The following PEX14 variants were observed in gnomAD, a reference collection of about 807,000 sequenced individuals.
The protein encoded by PEX14 is peroxisomal membrane protein PEX14.
A neutral mutation model predicts 49.5 loss-of-function variants in PEX14; 15 were observed. The observed-to-expected ratio is 0.30, with a 90% confidence interval of 0.20 to 0.47. The LOEUF (loss-of-function observed/expected upper bound fraction) is 0.47. Ranked by LOEUF, PEX14 falls within the 20% of genes least tolerant of loss-of-function variation. The pLI, the probability that PEX14 is intolerant of heterozygous loss-of-function variation, is 1.00. For missense variants in PEX14, 398 were observed against 494.8 expected (o/e 0.80, Z 1.86); for synonymous variants, 210 against 212.7 (o/e 0.99, Z 0.11).
rs1027636916 is a variant in PEX14, at chr1:10,539,145, G to A, written c.169+2848G>A. ...TGGGAGCAGGGGCTGCATCCTGTCC[G>A]TGTTACCGACTGGTTAAGTGTTGTG... On this transcript the variant is annotated intron_variant, in intron 3 of 8. Coordinates refer to ENST00000356607, the MANE Select transcript of PEX14 (RefSeq NM_004565.3). The surrounding 1 kb of genome is among the most constrained non-coding windows in gnomAD (Gnocchi z 4.6). Among the ~76,000 whole-genome samples, 3 of 152,272 alleles carry A rather than the reference G, an allele frequency of 2.0e-5. No individual in the cohort carries two copies. The highest frequency in any genetic ancestry group is 1.9e-4 in the East Asian group (1 of 5,186).
At chr1:10,481,428 T>G (rs1441001647) in intron 1 of PEX14, among the ~76,000 whole-genome samples, 1 of 151,988 alleles carries the variant, frequency 6.6e-6, no homozygotes, top group Non-Finnish European at 1.5e-5. Context: ...GCGTCCAGCC[T>G]TAAACTTTGT....
In PEX14 at chr1:10,629,702, C is replaced by G. The variant is rs752909373; in HGVS notation, c.849C>G (p.Pro283=). The change falls in exon 9 of 9, where the codon CCC becomes CCG. Residue 283 remains proline (P), a synonymous_variant. Transcript: ENST00000356607. The surrounding 1 kb of genome is among the most constrained non-coding windows in gnomAD (Gnocchi z 8.5). ...SSSPGKEGHS[P]EGSTVTYHLL... ...CGCCTGGGAAGGAGGGCCACAGCCC[C>G]GAGGGCTCCACGGTCACCTACCACT... is the stretch of plus-strand genomic sequence containing the variant. The G allele has an allele frequency of 6.2e-7, 1 of 1,611,368 alleles. No individual in the cohort carries two copies. The highest frequency in any genetic ancestry group is 8.5e-7 in the Non-Finnish European group (1 of 1,178,896).
intron 3 of PEX14, among the ~76,000 whole-genome samples, chr1:10,550,727 C>T (rs897372583): frequency 6.6e-6 from 1 of 152,128 alleles, no homozygotes; most frequent in East Asian, 1.9e-4. Context: ...ATATGGAAGC[C>T]CACCCAATTT....
rs75839744 is a variant in PEX14, at chr1:10,604,004, A to G, written c.298+4638A>G. On this transcript the variant is annotated intron_variant, in intron 4 of 8. Coordinates refer to ENST00000356607, the MANE Select transcript of PEX14 (RefSeq NM_004565.3). ...TTTTGTAGCCCTGTGTAGTAACACA[A>G]ACTTATCTGTGGTTATCTTAATTCA... Among the ~76,000 whole-genome samples, 659 of 152,324 alleles carry G rather than the reference A, an allele frequency of 4.3e-3. 4 individuals are homozygous for G. Among genetic ancestry groups the G allele is most frequent in the African/African-American group, 0.015 (619 of 41,570 alleles).
Position 10,601,183 on chromosome 1 carries a change from A to C in PEX14, c.298+1817A>C, listed in dbSNP as rs6669397. Reference sequence around the variant, plus strand: ...AGGCTGAGGCAGGAGAATCGCTTGAACCGAGGAGGTGGAGGTTGCAATGAG... The same window carrying C: ...AGGCTGAGGCAGGAGAATCGCTTGACCCGAGGAGGTGGAGGTTGCAATGAG... On this transcript the variant is annotated intron_variant, in intron 4 of 8. Coordinates refer to ENST00000356607, the MANE Select transcript of PEX14 (RefSeq NM_004565.3). Among the ~76,000 whole-genome samples the C allele has an allele frequency of 9.6e-3, 1,428 of 149,042 alleles. 30 individuals are homozygous for C. Among genetic ancestry groups the C allele is most frequent in the African/African-American group, 0.034 (1,346 of 39,414 alleles).
intron 3 of PEX14, among the ~76,000 whole-genome samples, chr1:10,592,387 T>A (rs1416863802): frequency 6.6e-6 from 1 of 152,154 alleles, no homozygotes; most frequent in Admixed American, 6.5e-5. Flanking sequence ...TTTGTTTTTG[T>A]TTCTAATTTA....
intron 2 of PEX14, among the ~76,000 whole-genome samples, chr1:10,527,211 CA>C (rs35749900): frequency 3.8e-4 from 45 of 117,654 alleles, no homozygotes; most frequent in African/African-American, 7.6e-4. Context: ...GACTCTGTCT[CA>C]AAAAAAAAAA....
At chr1:10,598,350 C>A (rs1481824727) in intron 3 of PEX14, among the ~76,000 whole-genome samples, 2 of 152,242 alleles carry the variant, frequency 1.3e-5, no homozygotes. Flanking sequence ...ATGGGGCTCT[C>A]TTCCTCCTCC....
intron 3 of PEX14, among the ~76,000 whole-genome samples, chr1:10,544,214 A>G (rs1639102988): frequency 6.6e-6 from 1 of 152,206 alleles, no homozygotes; most frequent in Non-Finnish European, 1.5e-5. Flanking sequence ...TGGGCAGGTT[A>G]ATGAATATTT....
At chr1:10,572,350 C>T (rs1640000891) in intron 3 of PEX14, among the ~76,000 whole-genome samples, 1 of 152,152 alleles carries the variant, frequency 6.6e-6, no homozygotes, top group African/African-American at 2.4e-5. Context: ...AGGAGGATGT[C>T]TCCATGAGCT....
chr1:10,535,794 C>T (rs1228928736), intron 2 of PEX14: 52 of 290,740 alleles, frequency 1.8e-4, no homozygotes, highest in South Asian at 3.9e-4. Context: ...TGTGTGTGTG[C>T]GTGTGTACGT....
At chr1:10,559,292 C>A (rs941094209) in intron 3 of PEX14, among the ~76,000 whole-genome samples, 2 of 152,096 alleles carry the variant, frequency 1.3e-5, no homozygotes, top group African/African-American at 2.4e-5. Flanking sequence ...ATGATGATTC[C>A]TAGACTTTTC....
At chr1:10,609,475 T>C (rs1369413332) in intron 4 of PEX14, among the ~76,000 whole-genome samples, 1 of 152,134 alleles carries the variant, frequency 6.6e-6, no homozygotes, top group Admixed American at 6.5e-5. Context: ...ATATAGAAAA[T>C]TTCTATCACC....
At chr1:10,583,383 C>CT (rs34977896) in intron 3 of PEX14, among the ~76,000 whole-genome samples, 25,079 of 127,858 alleles carry the variant, frequency 0.2, 2,754 homozygotes, top group East Asian at 0.5. Flanking sequence ...TTGCACCCAG[C>CT]TTTTTTTTTT....
In PEX14 at chr1:10,577,593, T is replaced by A. The variant is rs1235301160; in HGVS notation, c.170-21645T>A. Among the ~76,000 whole-genome samples the A allele has an allele frequency of 3.4e-4, 12 of 34,838 alleles. 1 individual carries two copies. Among genetic ancestry groups the A allele is most frequent in the African/African-American group, 1.9e-3 (12 of 6,314 alleles). The allele number at this position is 34,838 out of a possible 152,430, so 22.9% of individuals were successfully genotyped here. A position where few individuals can be genotyped will look rare whatever the true frequency, so the allele number is the denominator to read the frequency against. On this transcript the variant is annotated intron_variant, in intron 3 of 8. Coordinates refer to ENST00000356607, the MANE Select transcript of PEX14 (RefSeq NM_004565.3). ...TTTTTTTTTTTTTTTTTTTTTTTTT[T>A]TTTTTTTTTTTTTTTTTGGACAGAG... is the stretch of plus-strand genomic sequence containing the variant.
At chr1:10,599,498 T>TC in intron 4 of PEX14, 132 bp downstream of exon 4, 1 of 1,051,448 alleles carries the variant, frequency 9.5e-7, no homozygotes, top group Non-Finnish European at 1.5e-6. Flanking sequence ...CTTGGGTTTT[T>TC]CCCAAGGAAT....
chr1:10,546,954 G>A (rs1639195127), intron 3 of PEX14, among the ~76,000 whole-genome samples: 1 of 152,130 alleles, frequency 6.6e-6, no homozygotes, highest in African/African-American at 2.4e-5. Context: ...AAGGCTAGGA[G>A]GGTAGACCCA....
At chr1:10,475,099 C>G in intron 1 of PEX14, 97 bp downstream of exon 1, 2 of 1,231,462 alleles carry the variant, frequency 1.6e-6, no homozygotes, top group South Asian at 2.6e-5. Context: ...CCCGAGTCTC[C>G]GAAGCTGGGG....
intron 1 of PEX14, among the ~76,000 whole-genome samples, chr1:10,483,015 GTCTA>G (rs749279852): frequency 1.3e-5 from 2 of 152,294 alleles, no homozygotes; most frequent in East Asian, 1.9e-4. Context: ...GTGACGTTGT[GTCTA>G]TCTGTGTATC....
Sources: gnomAD v4.1 joint callset for allele counts (sites outside exome capture counted in the v4.1 genomes callset) on GRCh38, gnomAD v4.1.1 for gene constraint, Gnocchi (gnomAD v3.1) non-coding constraint, MANE v1.5 for transcripts, NCBI Gene and HGNC (gene_info 2026-07-23, HGNC 2026-07-21) for gene names.